UBN1: variants seen among roughly 807,000 people sequenced by gnomAD.
The protein encoded by UBN1 is ubinuclein 1.
UBN1 carries 17 observed loss-of-function variants against 108.5 expected under a neutral mutation model. The observed-to-expected ratio is 0.16, with a 90% confidence interval of 0.11 to 0.24. The LOEUF (loss-of-function observed/expected upper bound fraction) is 0.24. UBN1 is among the 10% of genes least tolerant of loss of function. The pLI is 1.00. For synonymous variants in UBN1, 726 were observed against 564.2 expected, an observed-to-expected ratio of 1.29 and a Z score of -4.07; for missense variants, 1,595 against 1,394.4, an observed-to-expected ratio of 1.14 and a Z score of -2.29.
At position 4,881,715 on chromosome 16, in the gene UBN1, T is replaced by C. The variant is rs2088081146; in HGVS notation, c.*1583T>C. ...ATAAGAACCAATCCGTGTTTCACAT[T>C]GGGCTAAGTGGATTCCTTATCCCTT... On this transcript the variant is annotated 3_prime_UTR_variant, in exon 18 of 18. Coordinates refer to ENST00000262376, the MANE Select transcript of UBN1 (RefSeq NM_001079514.3). 6.6e-6 allele frequency: 1 copy of C among 152,298 alleles called. No individual in the cohort carries two copies. The highest frequency in any genetic ancestry group is 1.5e-5 in the Non-Finnish European group (1 of 68,038). The allele number at this position is 152,298 out of a possible 1,614,324, so 9.4% of individuals were successfully genotyped here.
chr16:4,875,526 T>G, intron 15 of UBN1, 92 bp downstream of exon 15: 39 of 1,485,916 alleles, frequency 2.6e-5, no homozygotes, highest in Non-Finnish European at 3.3e-5. Flanking sequence ...GAGTGAGATC[T>G]AAAACCACAG....
At chr16:4,863,322 T>C (rs1197808717) in intron 7 of UBN1, among the ~76,000 whole-genome samples, 1 of 152,182 alleles carries the variant, frequency 6.6e-6, no homozygotes, top group African/African-American at 2.4e-5. Context: ...GGCCCTGCAC[T>C]TGGGGCACTT....
intron 1 of UBN1, among the ~76,000 whole-genome samples, chr16:4,850,923 A>G (rs1197619281): frequency 6.6e-6 from 1 of 152,260 alleles, no homozygotes; most frequent in Non-Finnish European, 1.5e-5. Context: ...AAGAAGGATA[A>G]TAAACATGAG....
intron 7 of UBN1, among the ~76,000 whole-genome samples, chr16:4,862,579 A>G (rs2087118099): frequency 6.6e-6 from 1 of 152,240 alleles, no homozygotes; most frequent in Non-Finnish European, 1.5e-5. Context: ...TTCGTAATCA[A>G]ATTGTTTCTT....
chr16:4,880,265 G>A lies in UBN1; in HGVS notation c.*133G>A, dbSNP rs924832843. ...GAGGAGCGTGAGTTCTCAGCGGAGC[G>A]CTTCTCGGCACTTCTGATGTGCCTC... On this transcript the variant is annotated 3_prime_UTR_variant, in exon 18 of 18. Coordinates refer to ENST00000262376, the MANE Select transcript of UBN1 (RefSeq NM_001079514.3). 2.1e-5 allele frequency: 22 copies of A among 1,067,454 alleles called. No homozygotes were observed. The highest frequency in any genetic ancestry group is 1.7e-4 in the African/African-American group (11 of 63,798). The allele number at this position is 1,067,454 out of a possible 1,614,324, so 66.1% of individuals were successfully genotyped here. A position where few individuals can be genotyped will look rare whatever the true frequency, so the allele number is the denominator to read the frequency against.
chr16:4,850,182 G>C (rs1596467419), intron 1 of UBN1, among the ~76,000 whole-genome samples: 2 of 152,084 alleles, frequency 1.3e-5, no homozygotes, highest in African/African-American at 4.8e-5. Flanking sequence ...ACATTATAAT[G>C]ATTATAAAAC....
Position 4,870,352 on chromosome 16 carries a change from C to CTA in UBN1, c.1311+12_1311+13dup. 6.2e-7 allele frequency: 1 copy of CTA among 1,613,794 alleles called. No homozygotes were observed. Among genetic ancestry groups the CTA allele is most frequent in the Non-Finnish European group, 8.5e-7 (1 of 1,179,856 alleles). On this transcript the variant is annotated intron_variant, in intron 9 of 17. Transcript: ENST00000262376. ...CACCTCTATGAACAGGTGGGTGACT[C>CTA]TAGAGTGAAGCCCTTTGGCTTTGGG...
At chr16:4,853,237 C>G in intron 2 of UBN1, 71 bp downstream of exon 2, 1 of 1,556,738 alleles carries the variant, frequency 6.4e-7, no homozygotes, top group South Asian at 1.2e-5. Flanking sequence ...GTGGGGCTTC[C>G]GTAGCGGGGA....
rs942991933 is a variant in UBN1, at chr16:4,858,203, G to A, written c.336+127G>A. On this transcript the variant is annotated intron_variant, in intron 3 of 17. Transcript: ENST00000262376. Reference sequence around the variant, plus strand: ...AAGTAAGCCTTAAGCATGGAGAGAAGAGAAGCAGTTATTAAACCTAACGCA... The same window carrying A: ...AAGTAAGCCTTAAGCATGGAGAGAAAAGAAGCAGTTATTAAACCTAACGCA... The A allele has an allele frequency of 1.2e-5, 9 of 728,826 alleles. No homozygotes were observed. In the African/African-American group the frequency reaches 1.3e-4, roughly 10 times the overall value. 45.1% of individuals were successfully genotyped at this position (728,826 alleles called of 1,614,324 possible).
intron 1 of UBN1, among the ~76,000 whole-genome samples, chr16:4,848,650 G>A (rs138312294): frequency 6.8e-4 from 104 of 152,248 alleles, no homozygotes; most frequent in African/African-American, 2.4e-3. Flanking sequence ...TTAGCTGCAC[G>A]GACTGTCATT....
rs746438933 is a variant in UBN1, at chr16:4,879,902, CAGG to C, written c.3356-178_3356-176del. Among the ~76,000 whole-genome samples the C allele has an allele frequency of 7.9e-5, 12 of 152,212 alleles. 1 individual carries two copies. The highest frequency in any genetic ancestry group is 1.2e-4 in the Non-Finnish European group (8 of 68,020). Reference sequence around the variant, plus strand: ...TGCTAGTGTGCTTGCAGGCTGTGGCCAGGAGTAGTGTACACGAATAACTGCTGG... The same window carrying C: ...TGCTAGTGTGCTTGCAGGCTGTGGCCAGTAGTGTACACGAATAACTGCTGG... On this transcript the variant is annotated intron_variant, in intron 17 of 17. Coordinates refer to ENST00000262376, the MANE Select transcript of UBN1 (RefSeq NM_001079514.3).
Position 4,874,930 on chromosome 16 carries a change from C to T in UBN1, c.2520C>T (p.Ser840=). ...PKASPTQCHR[S]LLQLVKTAAK... is the part of the protein sequence containing the mutation. ...CTTCTCCCACACAGTGTCATCGTTCCCTCCTGCAGTTAGTGAAGACAGCGG... is the reference window on the plus strand; with the variant it reads ...CTTCTCCCACACAGTGTCATCGTTCTCTCCTGCAGTTAGTGAAGACAGCGG... The change falls in exon 15 of 18, where the codon TCC becomes TCT. Residue 840 remains serine, a synonymous_variant. Transcript: ENST00000262376. The T allele has an allele frequency of 6.2e-7, 1 of 1,614,200 alleles. No individual in the cohort carries two copies.
chr16:4,854,095 A>G lies in UBN1; in HGVS notation c.249+929A>G, dbSNP rs552594079. 6.1e-5 allele frequency among the ~76,000 whole-genome samples: 9 copies of G among 148,638 alleles called. No individual in the cohort carries two copies. The South Asian group carries it at 1.9e-3, about 32-fold the overall frequency. ...GTCGCCCAGGCTGGAGTGCAGTGGC[A>G]CCATCTTGTCTCAGTGCAACCTCTG... On this transcript the variant is annotated intron_variant, in intron 2 of 17. Coordinates refer to ENST00000262376, the MANE Select transcript of UBN1 (RefSeq NM_001079514.3).
Position 4,880,019 on chromosome 16 carries a change from A to G in UBN1, c.3356-64A>G, listed in dbSNP as rs139115784. 473 of 1,580,620 alleles carry G rather than the reference A, an allele frequency of 3.0e-4. No homozygotes were observed. In the African/African-American group the frequency reaches 5.1e-3, roughly 17 times the overall value. On this transcript the variant is annotated intron_variant, in intron 17 of 17. Transcript: ENST00000262376. ...GTGTCTCCCTTGAAGTTTGGTTACT[A>G]CTGCCTTAAGGAAATCAGAGAGCAT...
intron 2 of UBN1, among the ~76,000 whole-genome samples, chr16:4,855,444 A>G (rs948728282): frequency 3.3e-5 from 5 of 151,906 alleles, no homozygotes; most frequent in African/African-American, 1.2e-4. Context: ...GTGAAACTCC[A>G]TCTGTGCAAA....
intron 3 of UBN1, 65 bp from the exon 4 acceptor site, chr16:4,858,497 GAAGTTC>G (rs2086910093): frequency 7.2e-7 from 1 of 1,388,422 alleles, no homozygotes; most frequent in Non-Finnish European, 1.0e-6. Flanking sequence ...CATAGCTGAT[GAAGTTC>G]AAGGCCACAG....
chr16:4,865,310 T>C (rs1473406790), intron 7 of UBN1, among the ~76,000 whole-genome samples: 2 of 152,200 alleles, frequency 1.3e-5, no homozygotes, highest in African/African-American at 2.4e-5. Flanking sequence ...AATTACATAA[T>C]ATTATTTAAA....
In UBN1 at chr16:4,864,677, AG is replaced by A. The variant is rs1428872492; in HGVS notation, c.1110+3576del. Among the ~76,000 whole-genome samples, 5 of 152,308 alleles carry A rather than the reference AG, an allele frequency of 3.3e-5. No homozygotes were observed. The South Asian group carries it at 8.3e-4, about 25-fold the overall frequency. ...TCTTGAGGTAGTTTGACAGCTACTC[AG>A]CCTTGGGCTGGACAAATAACCCAGA... On this transcript the variant is annotated intron_variant, in intron 7 of 17. Transcript: ENST00000262376.
Position 4,880,359 on chromosome 16 carries a change from C to G in UBN1, c.*227C>G. 1 of 536,008 alleles carries G rather than the reference C, an allele frequency of 1.9e-6. No homozygotes were observed. Among genetic ancestry groups the G allele is most frequent in the East Asian group, 3.0e-5 (1 of 33,222 alleles). The allele number at this position is 536,008 out of a possible 1,614,324, so 33.2% of individuals were successfully genotyped here. A position where few individuals can be genotyped will look rare whatever the true frequency, so the allele number is the denominator to read the frequency against. On this transcript the variant is annotated 3_prime_UTR_variant, in exon 18 of 18. Transcript: ENST00000262376. ...GCCCCGTGCTCTGGGCCTTGCAGCTCTGTCGCTAGACGGTTGTTAGAGGGG... is the reference window on the plus strand; with the variant it reads ...GCCCCGTGCTCTGGGCCTTGCAGCTGTGTCGCTAGACGGTTGTTAGAGGGG...
Sources: allele counts gnomAD v4.1 joint callset (sites outside exome capture counted in the v4.1 genomes callset), GRCh38; gene constraint gnomAD v4.1.1; transcripts MANE v1.5; gene names NCBI Gene and HGNC (gene_info 2026-07-23, HGNC 2026-07-21).